KSR2: variants seen among roughly 807,000 people sequenced by gnomAD.
KSR2 encodes the protein kinase suppressor of ras 2.
Under a neutral mutation model 107.8 loss-of-function variants are expected in KSR2, and 25 were observed. The ratio of observed to expected loss-of-function variants is 0.23; its 90% CI spans 0.17 to 0.32. The LOEUF (loss-of-function observed/expected upper bound fraction) is 0.32, where lower values mean the gene tolerates loss of function less well. KSR2 is among the 10% of genes least tolerant of loss of function. The probability of loss-of-function intolerance (pLI) is 1.00; values close to 1 mark genes in which losing one functional copy is unlikely to be tolerated. For missense variants in KSR2, 887 were observed against 1,268.9 expected (o/e 0.70, Z 4.57); for synonymous variants, 480 against 507.0 (o/e 0.95, Z 0.71).
chr12:117,843,218 G>A (rs540724306), intron 3 of KSR2, among the ~76,000 whole-genome samples: 3 of 152,328 alleles, frequency 2.0e-5, no homozygotes, highest in African/African-American at 7.2e-5. Flanking sequence ...ACCGAGGGAT[G>A]AAGGAGGGAG....
intron 5 of KSR2, among the ~76,000 whole-genome samples, chr12:117,598,845 T>A (rs952439811): frequency 6.6e-6 from 1 of 151,698 alleles, no homozygotes; most frequent in Non-Finnish European, 1.5e-5. Context: ...AAAAAAAGTC[T>A]GTTTATCCTG....
At chr12:117,854,054 G>A (rs2137218836) in intron 3 of KSR2, among the ~76,000 whole-genome samples, 1 of 152,284 alleles carries the variant, frequency 6.6e-6, no homozygotes, top group Non-Finnish European at 1.5e-5. Context: ...AGGCTGGAGT[G>A]CAGCAGTGTG....
chr12:117,924,598 A>G (rs1268774745), intron 1 of KSR2, among the ~76,000 whole-genome samples: 1 of 146,840 alleles, frequency 6.8e-6, no homozygotes, highest in Admixed American at 6.8e-5. Context: ...AAAAAAAAAG[A>G]AAGAAAGAAA....
At chr12:117,763,182 T>G (rs1593211747) in intron 3 of KSR2, among the ~76,000 whole-genome samples, 2 of 152,056 alleles carry the variant, frequency 1.3e-5, no homozygotes, top group Admixed American at 1.3e-4. Context: ...AGAATGATGA[T>G]TTCCAATTTC....
intron 3 of KSR2, among the ~76,000 whole-genome samples, chr12:117,787,792 T>G (rs918341020): frequency 1.3e-5 from 2 of 152,212 alleles, no homozygotes; most frequent in Non-Finnish European, 2.9e-5. Context: ...AAAGACTGTG[T>G]GATCTCCCCC....
chr12:117,749,990 G>A (rs1466855269), intron 4 of KSR2, among the ~76,000 whole-genome samples: 1 of 152,178 alleles, frequency 6.6e-6, no homozygotes, highest in African/African-American at 2.4e-5. Context: ...GCTGACGCCT[G>A]TAATCCTAGC....
chr12:117,644,949 G>T (rs561921277), intron 5 of KSR2, among the ~76,000 whole-genome samples: 1 of 152,094 alleles, frequency 6.6e-6, no homozygotes, highest in Non-Finnish European at 1.5e-5. Flanking sequence ...AATCCACTCC[G>T]CTTGATTGCA....
intron 1 of KSR2, among the ~76,000 whole-genome samples, chr12:117,944,968 G>A (rs986628213): frequency 3.9e-5 from 6 of 152,060 alleles, no homozygotes; most frequent in Non-Finnish European, 7.4e-5. Flanking sequence ...AATTACCAGG[G>A]ATTAAAGAGA....
In KSR2 at chr12:117,579,607, A is replaced by G. The variant is rs567162298; in HGVS notation, c.1242-405T>C. 3.3e-5 allele frequency among the ~76,000 whole-genome samples: 5 copies of G among 152,328 alleles called. No individual in the cohort carries two copies. In the East Asian group the frequency reaches 9.6e-4, roughly 29 times the overall value. ...TCAGTTCTGGGACAGAGCAATGGAT[A>G]GGGCTGGAACTGCCTGTAGAAAGCT... On this transcript the variant is annotated intron_variant, in intron 6 of 19. Transcript: ENST00000339824.
chr12:117,608,437 A>G (rs1881410640), intron 5 of KSR2, among the ~76,000 whole-genome samples: 1 of 152,226 alleles, frequency 6.6e-6, no homozygotes, highest in Non-Finnish European at 1.5e-5. Flanking sequence ...TTTTTAAAAC[A>G]AGGAGATATC....
chr12:117,634,571 T>G (rs540097993), intron 5 of KSR2, among the ~76,000 whole-genome samples: 2 of 151,956 alleles, frequency 1.3e-5, no homozygotes, highest in Admixed American at 1.3e-4. Flanking sequence ...TTTTCCCAGG[T>G]TCACACACAC....
At chr12:117,793,919 T>C (rs1264690753) in intron 3 of KSR2, among the ~76,000 whole-genome samples, 2 of 129,288 alleles carry the variant, frequency 1.5e-5, no homozygotes, top group South Asian at 2.6e-4. Flanking sequence ...CACACCAACA[T>C]GCACACACAC....
At chr12:117,699,068 T>C (rs184378100) in intron 4 of KSR2, among the ~76,000 whole-genome samples, 1 of 152,368 alleles carries the variant, frequency 6.6e-6, no homozygotes, top group East Asian at 1.9e-4. Flanking sequence ...CATTTAGTGT[T>C]CGGCAATAAT....
At chr12:117,561,768 T>C (rs1417605495) in intron 7 of KSR2, among the ~76,000 whole-genome samples, 1 of 152,222 alleles carries the variant, frequency 6.6e-6, no homozygotes, top group African/African-American at 2.4e-5. Context: ...CCTGGCTTTC[T>C]TTGTCTATTC....
intron 18 of KSR2, 106 bp downstream of exon 18, chr12:117,471,085 C>T (rs1871425441): frequency 4.2e-6 from 6 of 1,433,970 alleles, no homozygotes; most frequent in Non-Finnish European, 3.8e-6. Context: ...TTTTTGGTCA[C>T]CCTATGGGAA....
intron 5 of KSR2, among the ~76,000 whole-genome samples, chr12:117,641,180 C>T (rs1157913806): frequency 2.0e-5 from 3 of 152,170 alleles, no homozygotes; most frequent in Non-Finnish European, 4.4e-5. Context: ...TCACTGCGAC[C>T]TCTGCCTTCA....
rs571726137 is a variant in KSR2, at chr12:117,818,455, C to A, written c.472+36973G>T. Among the ~76,000 whole-genome samples the A allele has an allele frequency of 9.2e-5, 14 of 152,062 alleles. No individual in the cohort carries two copies. In the South Asian group the frequency reaches 2.7e-3, roughly 30 times the overall value. On this transcript the variant is annotated intron_variant, in intron 3 of 19. Coordinates refer to ENST00000339824, the MANE Select transcript of KSR2 (RefSeq NM_173598.6). ...GAGAAGAATAAAAATGGCAAGGTTGCTATGAGAAAGAAGGGAGCTAAGAGA... is the reference window on the plus strand; with the variant it reads ...GAGAAGAATAAAAATGGCAAGGTTGATATGAGAAAGAAGGGAGCTAAGAGA...
At chr12:117,628,179 C>T (rs570367593) in intron 5 of KSR2, among the ~76,000 whole-genome samples, 1 of 152,184 alleles carries the variant, frequency 6.6e-6, no homozygotes, top group Admixed American at 6.5e-5. Context: ...TATTACTGAC[C>T]TTCTGAAGCC....
At chr12:117,808,377 A>G (rs1260713737) in intron 3 of KSR2, among the ~76,000 whole-genome samples, 1 of 152,052 alleles carries the variant, frequency 6.6e-6, no homozygotes, top group African/African-American at 2.4e-5. Flanking sequence ...CTGGGATTAA[A>G]TCCCAGCTCC....
Sources: allele counts gnomAD v4.1 joint callset (sites outside exome capture counted in the v4.1 genomes callset), GRCh38; gene constraint gnomAD v4.1.1; transcripts MANE v1.5; gene names NCBI Gene and HGNC (gene_info 2026-07-23, HGNC 2026-07-21).